BPNT2: variants seen among roughly 807,000 people sequenced by gnomAD.
BPNT2 encodes Golgi-resident adenosine 3',5'-bisphosphate 3'-phosphatase.
In BPNT2, 11 loss-of-function variants were observed where a neutral mutation model predicts 29.3. The observed-to-expected ratio is 0.38, with a 90% CI of 0.24 to 0.62. BPNT2 has a LOEUF of 0.62. BPNT2 is among the 20% of genes least tolerant of loss of function. BPNT2 has a pLI of 0.62. For missense variants in BPNT2, 459 were observed against 473.4 expected (o/e 0.97, Z 0.28); for synonymous variants, 195 against 187.7 (o/e 1.04, Z -0.32).
chr8:56,978,246 A>T lies in BPNT2; in HGVS notation c.551-101T>A. The T allele has an allele frequency of 3.7e-6, 3 of 809,160 alleles. No individual in the cohort carries two copies. The East Asian group carries it at 7.5e-5, about 20-fold the overall frequency. 50.1% of individuals were successfully genotyped at this position (809,160 alleles called of 1,614,324 possible). On this transcript the variant is annotated intron_variant, in intron 2 of 4. Transcript: ENST00000262644. Reference sequence around the variant, plus strand: ...TTAGTTCATTAAAAAATTTATATACATGAAATATCTTTCCAAAACAACAAT... The same window carrying T: ...TTAGTTCATTAAAAAATTTATATACTTGAAATATCTTTCCAAAACAACAAT...
chr8:56,967,349 A>C (rs1298582519), intron 3 of BPNT2: 9 of 427,160 alleles, frequency 2.1e-5, no homozygotes, highest in African/African-American at 1.6e-4. Flanking sequence ...GAACAAATAG[A>C]AATACCCATG....
intron 1 of BPNT2, among the ~76,000 whole-genome samples, chr8:56,987,388 G>A (rs1238437786): frequency 6.6e-6 from 1 of 152,188 alleles, no homozygotes; most frequent in African/African-American, 2.4e-5. Flanking sequence ...CCTCTCTAAT[G>A]TGGGTGGGCA....
At chr8:56,967,798 A>G (rs1805975255) in intron 3 of BPNT2, among the ~76,000 whole-genome samples, 1 of 152,160 alleles carries the variant, frequency 6.6e-6, no homozygotes, top group Admixed American at 6.5e-5. Context: ...CTTTATTGAA[A>G]CAAGGTCAGA....
chr8:56,973,763 C>G (rs1326081918), intron 3 of BPNT2, among the ~76,000 whole-genome samples: 1 of 152,106 alleles, frequency 6.6e-6, no homozygotes, highest in African/African-American at 2.4e-5. Context: ...AAGAAAGGTT[C>G]TCATTATTCA....
intron 1 of BPNT2, among the ~76,000 whole-genome samples, chr8:56,991,377 A>G (rs1806413496): frequency 6.6e-6 from 1 of 152,272 alleles, no homozygotes; most frequent in African/African-American, 2.4e-5. Context: ...AATAAAATGC[A>G]GCTCACTGCC....
At chr8:56,967,264 A>C (rs1210243438) in intron 3 of BPNT2, 2 of 456,138 alleles carry the variant, frequency 4.4e-6, no homozygotes, top group Non-Finnish European at 8.8e-6. Flanking sequence ...TGGGTTTCTG[A>C]GTTCCCCAAG....
At chr8:56,987,349 G>C (rs1226518238) in intron 1 of BPNT2, among the ~76,000 whole-genome samples, 2 of 152,198 alleles carry the variant, frequency 1.3e-5, no homozygotes, top group Non-Finnish European at 2.9e-5. Flanking sequence ...ATTAGCATTT[G>C]AATCAGTGAA....
chr8:56,990,850 C>T (rs1484695777), intron 1 of BPNT2, among the ~76,000 whole-genome samples: 6 of 152,160 alleles, frequency 3.9e-5, no homozygotes, highest in Non-Finnish European at 4.4e-5. Context: ...AAAGCTCAGA[C>T]TTCAGACTCT....
intron 4 of BPNT2, among the ~76,000 whole-genome samples, 189 bp downstream of exon 4, chr8:56,966,002 T>C (rs878855580): frequency 6.6e-6 from 1 of 152,172 alleles, no homozygotes; most frequent in South Asian, 2.1e-4. Flanking sequence ...ACTGCTTCTT[T>C]CTAATAAGAA....
rs1805842700 is a variant in BPNT2 at position 56,961,826 on chromosome 8, G to A, written c.*1967C>T. Reference sequence around the variant, plus strand: ...TTGCACTCCAGCCTGGCCAACGAGAGTGAAACTCTGTCTCGAAAAAATAAA... The same window carrying A: ...TTGCACTCCAGCCTGGCCAACGAGAATGAAACTCTGTCTCGAAAAAATAAA... On this transcript the variant is annotated 3_prime_UTR_variant, in exon 5 of 5. Coordinates refer to ENST00000262644, the MANE Select transcript of BPNT2 (RefSeq NM_017813.5). 1.3e-5 allele frequency: 2 copies of A among 152,196 alleles called. No individual in the cohort carries two copies. Among genetic ancestry groups the A allele is most frequent in the Non-Finnish European group, 2.9e-5 (2 of 68,042 alleles). 9.4% of individuals were successfully genotyped at this position (152,196 alleles called of 1,614,324 possible).
Position 56,971,440 on chromosome 8 carries a change from T to C in BPNT2, c.647-5088A>G, listed in dbSNP as rs1241662120. 3.9e-5 allele frequency among the ~76,000 whole-genome samples: 6 copies of C among 152,056 alleles called. No homozygotes were observed. The East Asian group carries it at 7.7e-4, about 20-fold the overall frequency. On this transcript the variant is annotated intron_variant, in intron 3 of 4. Coordinates refer to ENST00000262644, the MANE Select transcript of BPNT2 (RefSeq NM_017813.5). ...TTTGAACTGTGTGGCTCCCCTTACA[T>C]CCAGATATTTTTCAATAAATATTTT... is the stretch of plus-strand genomic sequence containing the variant.
chr8:56,978,069 C>T lies in BPNT2; in HGVS notation c.627G>A (p.Lys209=), dbSNP rs772046778. The T allele has an allele frequency of 6.2e-7, 1 of 1,604,854 alleles. No homozygotes were observed. Among genetic ancestry groups the T allele is most frequent in the Non-Finnish European group, 8.5e-7 (1 of 1,172,016 alleles). The part of the protein sequence containing the change: ...NGKPMLGVIH[K]PFSEYTAWAM... Reference sequence around the variant, plus strand: ...TCATACCTGTATATTCGGAAAATGGCTTATGTATAACTCCTAGCATGGGTT... The same window carrying T: ...TCATACCTGTATATTCGGAAAATGGTTTATGTATAACTCCTAGCATGGGTT... The change falls in exon 3 of 5, where the codon AAG becomes AAA. Residue 209 remains lysine (K), a synonymous_variant. Coordinates refer to ENST00000262644, the MANE Select transcript of BPNT2 (RefSeq NM_017813.5).
chr8:56,966,453 TCTC>T, intron 3 of BPNT2, 101 bp from the exon 4 acceptor site: 3 of 990,220 alleles, frequency 3.0e-6, no homozygotes, highest in Non-Finnish European at 4.7e-6. Context: ...ACAAAATAGC[TCTC>T]TTCTAAAAAA....
At position 56,959,871 on chromosome 8, in the gene BPNT2, G is replaced by C. The variant is rs182015125; in HGVS notation, c.*3922C>G. The C allele has an allele frequency of 1.5e-4, 23 of 152,114 alleles. No homozygotes were observed. The East Asian group carries it at 4.1e-3, about 27-fold the overall frequency. The allele number at this position is 152,114 out of a possible 1,614,324, so 9.4% of individuals were successfully genotyped here. A position where few individuals can be genotyped will look rare whatever the true frequency, so the allele number is the denominator to read the frequency against. ...CCTATTTTCCCCCATCTACTAAAAAGGTTGTTTTCCCTTATTAACATACAA... is the reference window on the plus strand; with the variant it reads ...CCTATTTTCCCCCATCTACTAAAAACGTTGTTTTCCCTTATTAACATACAA... On this transcript the variant is annotated 3_prime_UTR_variant, in exon 5 of 5. Coordinates refer to ENST00000262644, the MANE Select transcript of BPNT2 (RefSeq NM_017813.5).
Position 56,964,081 on chromosome 8 carries a change from G to A in BPNT2, c.809-17C>T. On this transcript the variant is annotated splice_polypyrimidine_tract_variant and intron_variant, in intron 4 of 4. Coordinates refer to ENST00000262644, the MANE Select transcript of BPNT2 (RefSeq NM_017813.5). ...CTTTATAACCTAAAAGATAAACAAA[G>A]AATTTAGGTTATTATTCAAAAAATT... 6.5e-7 allele frequency: 1 copy of A among 1,544,756 alleles called. No individual in the cohort carries two copies. Among genetic ancestry groups the A allele is most frequent in the African/African-American group, 1.4e-5 (1 of 72,902 alleles).
At position 56,964,063 on chromosome 8, in the gene BPNT2, A is replaced by T. The variant is rs992412419; in HGVS notation, c.810T>A (p.Gly270=). The T allele has an allele frequency of 1.9e-6, 3 of 1,577,994 alleles. No individual in the cohort carries two copies. Among genetic ancestry groups the T allele is most frequent in the Admixed American group, 3.5e-5 (2 of 56,530 alleles). Residue 270 remains glycine (G), a splice_region_variant and synonymous_variant, in exon 5 of 5, where the codon GGT becomes GGA. Transcript: ENST00000262644. The part of the protein sequence containing the change: ...QTTIIPAGGA[G]YKVLALLDVP... ...CATCCAAAAGTGCTAAAACTTTATA[A>T]CCTAAAAGATAAACAAAGAATTTAG...
At chr8:56,979,875 A>G (rs1372678468) in intron 2 of BPNT2, among the ~76,000 whole-genome samples, 160 bp downstream of exon 2, 2 of 152,202 alleles carry the variant, frequency 1.3e-5, no homozygotes, top group African/African-American at 4.8e-5. Flanking sequence ...AAGTTTCTTC[A>G]ATTATAGGTG....
At chr8:56,988,106 T>C (rs1806354810) in intron 1 of BPNT2, among the ~76,000 whole-genome samples, 1 of 152,180 alleles carries the variant, frequency 6.6e-6, no homozygotes, top group African/African-American at 2.4e-5. Context: ...AGAAACCTTT[T>C]ACTATCAACT....
intron 3 of BPNT2, among the ~76,000 whole-genome samples, chr8:56,973,411 C>A (rs1175463739): frequency 6.6e-6 from 1 of 152,132 alleles, no homozygotes; most frequent in Non-Finnish European, 1.5e-5. Context: ...AGGATTACAC[C>A]ACTAAAGATG....
Sources: allele counts gnomAD v4.1 joint callset (sites outside exome capture counted in the v4.1 genomes callset), GRCh38; gene constraint gnomAD v4.1.1; transcripts MANE v1.5; gene names NCBI Gene and HGNC (gene_info 2026-07-23, HGNC 2026-07-21).